Variants in CARNMT1 observed in about 807,000 individuals in gnomAD.
CARNMT1 encodes the protein carnosine N-methyltransferase 1, also known as protein-L-histidine N-pros-methyltransferase CARNMT1.
CARNMT1 carries 28 observed loss-of-function variants against 49.6 expected under a neutral mutation model. The ratio of observed to expected loss-of-function variants is 0.56; its 90% CI spans 0.42 to 0.77. The LOEUF is 0.77. Among genes scored for constraint, CARNMT1 ranks in the 30% least tolerant of loss-of-function variants. CARNMT1 has a pLI of 0.00. For missense variants in CARNMT1, 421 were observed against 512.6 expected (o/e 0.82, Z 1.73); for synonymous variants, 178 against 175.0 (o/e 1.02, Z -0.13).
intron 2 of CARNMT1, 128 bp from the exon 3 acceptor site, chr9:75,016,559 T>C (rs957346552): frequency 1.5e-5 from 12 of 817,176 alleles, no homozygotes; most frequent in Admixed American, 2.6e-5. Context: ...TCACCTCAAC[T>C]GGGGTTCAAG....
At chr9:74,990,956 A>G (rs1263171015) in intron 6 of CARNMT1, among the ~76,000 whole-genome samples, 1 of 152,220 alleles carries the variant, frequency 6.6e-6, no homozygotes, top group Non-Finnish European at 1.5e-5. Context: ...CACCTAAAAC[A>G]TAAAGATTGC....
intron 3 of CARNMT1, among the ~76,000 whole-genome samples, chr9:75,011,997 G>A (rs1014715237): frequency 6.6e-6 from 1 of 152,166 alleles, no homozygotes; most frequent in African/African-American, 2.4e-5. Context: ...AGAAGAACCA[G>A]TTAAGCCAAG....
At chr9:75,026,835 A>G (rs1031378375) in intron 1 of CARNMT1, among the ~76,000 whole-genome samples, 1 of 152,224 alleles carries the variant, frequency 6.6e-6, no homozygotes, top group Non-Finnish European at 1.5e-5. Flanking sequence ...GGAATGAGAA[A>G]TGTATTTCTT....
At chr9:74,992,905 T>C (rs1833071737) in intron 6 of CARNMT1, among the ~76,000 whole-genome samples, 1 of 152,210 alleles carries the variant, frequency 6.6e-6, no homozygotes, top group Non-Finnish European at 1.5e-5. Context: ...AAGAGGTTGA[T>C]CTCTCAGTTT....
chr9:75,014,160 T>G (rs1833780122), intron 3 of CARNMT1, among the ~76,000 whole-genome samples: 1 of 152,044 alleles, frequency 6.6e-6, no homozygotes, highest in Non-Finnish European at 1.5e-5. Flanking sequence ...GAGAGCTAAT[T>G]TGGGTAAACT....
At chr9:75,012,899 C>A (rs1833742140) in intron 3 of CARNMT1, among the ~76,000 whole-genome samples, 1 of 149,354 alleles carries the variant, frequency 6.7e-6, no homozygotes, top group Non-Finnish European at 1.5e-5. Flanking sequence ...GCCTGGGCGA[C>A]TGAGCAAGAC....
At chr9:75,014,938 A>C (rs1833802375) in intron 3 of CARNMT1, among the ~76,000 whole-genome samples, 1 of 152,236 alleles carries the variant, frequency 6.6e-6, no homozygotes, top group African/African-American at 2.4e-5. Context: ...GAAAGCAAAT[A>C]CTCAAACGTA....
At position 74,984,920 on chromosome 9, in the gene CARNMT1, C is replaced by T. The variant is rs1832785583; in HGVS notation, c.1115G>A (p.Gly372Glu). The T allele has an allele frequency of 6.2e-7, 1 of 1,612,006 alleles. No individual in the cohort carries two copies. Among genetic ancestry groups the T allele is most frequent in the African/African-American group, 1.3e-5 (1 of 74,880 alleles). Residue 372 changes from glycine to glutamate, a missense_variant, in exon 7 of 8, where the codon GGA (glycine) becomes GAA (glutamate). Around this residue, in one of 2 missense-constraint regions of CARNMT1, gnomAD observed 235 missense variants for 344.8 expected, o/e 0.68. Transcript: ENST00000376834. ...TTCCATTCTTACCTCTACCTTGAAT[C>T]CATACTGCAGAACAACGTTTTTTAT... ...EDIKNVVLQYGFKVEVEKESV... is the reference protein window; with the variant it reads ...EDIKNVVLQYEFKVEVEKESV...
At chr9:74,989,328 T>C (rs1832948919) in intron 6 of CARNMT1, among the ~76,000 whole-genome samples, 1 of 152,150 alleles carries the variant, frequency 6.6e-6, no homozygotes, top group Non-Finnish European at 1.5e-5. Context: ...TTGCCCAGGC[T>C]GGTCTAGAAA....
rs1330216241 is a variant in CARNMT1 at position 75,016,555 on chromosome 9, C to G, written c.427-124G>C. The G allele has an allele frequency of 8.4e-6, 7 of 830,180 alleles. No individual in the cohort carries two copies. The East Asian group carries it at 1.8e-4, about 21-fold the overall frequency. The allele number at this position is 830,180 out of a possible 1,614,324, so 51.4% of individuals were successfully genotyped here. ...TGGATAAATCACTAGCCTCTCACCT[C>G]AACTGGGGTTCAAGTGCAGCTTGAG... is the stretch of plus-strand genomic sequence containing the variant. On this transcript the variant is annotated intron_variant, in intron 2 of 7. Transcript: ENST00000376834.
At position 75,023,886 on chromosome 9, in the gene CARNMT1, C is replaced by T. The variant is rs545064086; in HGVS notation, c.230+4126G>A. 8.5e-5 allele frequency among the ~76,000 whole-genome samples: 13 copies of T among 152,266 alleles called. No individual in the cohort carries two copies. The East Asian group carries it at 2.5e-3, about 29-fold the overall frequency. On this transcript the variant is annotated intron_variant, in intron 1 of 7. Transcript: ENST00000376834. ...GCCCTTTTAAGAAACTCTGCCAAAC[C>T]TGCTTTGAAGGAGTATTTTACAAAA...
intron 3 of CARNMT1, chr9:75,015,774 A>C (rs1455446191): frequency 6.7e-6 from 1 of 148,646 alleles, no homozygotes; most frequent in Non-Finnish European, 1.5e-5. Context: ...CAAGAGAGTG[A>C]GACTGTCTCA....
At chr9:75,023,984 T>A (rs2118877914) in intron 1 of CARNMT1, among the ~76,000 whole-genome samples, 1 of 152,310 alleles carries the variant, frequency 6.6e-6, no homozygotes, top group Middle Eastern at 3.4e-3. Context: ...GAGGAGAAAG[T>A]AAACTTAGTA....
intron 6 of CARNMT1, among the ~76,000 whole-genome samples, chr9:74,987,286 A>G (rs1832874010): frequency 6.6e-6 from 1 of 152,196 alleles, no homozygotes; most frequent in South Asian, 2.1e-4. Flanking sequence ...TTAGGTACGT[A>G]TTTACGCAGG....
chr9:75,027,988 CG>C, intron 1 of CARNMT1, 23 bp downstream of exon 1: 1 of 1,548,596 alleles, frequency 6.5e-7, no homozygotes, highest in Non-Finnish European at 8.7e-7. Context: ...CGGTCTGGGC[CG>C]GGGTCCGCCA....
At chr9:75,012,432 G>A (rs1220420522) in intron 3 of CARNMT1, among the ~76,000 whole-genome samples, 1 of 151,766 alleles carries the variant, frequency 6.6e-6, no homozygotes, top group East Asian at 1.9e-4. Flanking sequence ...AATTACAGGT[G>A]TGCACCACCA....
rs374266612 is a variant in CARNMT1 at position 75,017,238 on chromosome 9, C to T, written c.426+15G>A. 3.8e-6 allele frequency: 6 copies of T among 1,594,310 alleles called. No homozygotes were observed. The African/African-American group carries it at 8.1e-5, about 21-fold the overall frequency. ...GACCCTAAAATAAACAGAAATAGAA[C>T]AAACTTTCACATACATCTTCTCCAT... On this transcript the variant is annotated intron_variant, in intron 2 of 7. Transcript: ENST00000376834.
At chr9:75,023,675 G>A (rs1426079986) in intron 1 of CARNMT1, among the ~76,000 whole-genome samples, 1 of 152,184 alleles carries the variant, frequency 6.6e-6, no homozygotes, top group East Asian at 1.9e-4. Flanking sequence ...TCCTGCACAT[G>A]CTTACGCTAT....
chr9:75,022,222 T>C (rs1822389409), intron 1 of CARNMT1, among the ~76,000 whole-genome samples: 1 of 132,908 alleles, frequency 7.5e-6, no homozygotes, highest in East Asian at 2.1e-4. Flanking sequence ...ACTTTTTTTT[T>C]TTTTTTTTTT....
Sources: gnomAD v4.1 joint callset for allele counts (sites outside exome capture counted in the v4.1 genomes callset) on GRCh38, gnomAD v4.1.1 for gene constraint, gnomAD v4.1.1 regional missense constraint, MANE v1.5 for transcripts, NCBI Gene and HGNC (gene_info 2026-07-23, HGNC 2026-07-21) for gene names.